The following CDH9 variants were observed in gnomAD, a reference collection of about 807,000 sequenced individuals.
The protein encoded by CDH9 is cadherin 9.
Under a neutral mutation model 70.9 loss-of-function variants are expected in CDH9, and 28 were observed. The ratio of observed to expected loss-of-function variants is 0.40; its 90% CI spans 0.29 to 0.54. The LOEUF is 0.54. Ranked by LOEUF, CDH9 falls within the 20% of genes least tolerant of loss-of-function variation. The pLI is 0.59. For synonymous variants in CDH9, 409 were observed against 343.1 expected (o/e 1.19, Z -2.12); for missense variants, 874 against 984.4 (o/e 0.89, Z 1.50).
intron 1 of CDH9, among the ~76,000 whole-genome samples, chr5:27,013,294 A>G (rs1742989395): frequency 6.6e-6 from 1 of 151,958 alleles, no homozygotes; most frequent in Non-Finnish European, 1.5e-5. Flanking sequence ...CATTTGTAAA[A>G]GTTTTCTCCT....
chr5:27,034,931 C>A (rs1308614736), intron 1 of CDH9, among the ~76,000 whole-genome samples: 2 of 151,252 alleles, frequency 1.3e-5, no homozygotes, highest in Non-Finnish European at 3.0e-5. Context: ...TGCTTCCAGG[C>A]AGAGAAATTG....
chr5:26,913,504 T>G (rs1429941398), intron 3 of CDH9, among the ~76,000 whole-genome samples: 1 of 152,068 alleles, frequency 6.6e-6, no homozygotes, highest in Non-Finnish European at 1.5e-5. Flanking sequence ...CCTTGTCTCA[T>G]TTTGTGGGAA....
chr5:26,960,979 C>A (rs1742025606), intron 2 of CDH9, among the ~76,000 whole-genome samples: 1 of 152,102 alleles, frequency 6.6e-6, no homozygotes, highest in South Asian at 2.1e-4. Flanking sequence ...CCAATTTATG[C>A]TTTGGTAAGA....
At chr5:26,906,455 C>T (rs1740950414) in intron 4 of CDH9, among the ~76,000 whole-genome samples, 1 of 152,020 alleles carries the variant, frequency 6.6e-6, no homozygotes, top group African/African-American at 2.4e-5. Context: ...CTCTATGCCA[C>T]ATAATGTGCT....
chr5:26,885,247 T>C (rs1309956637), intron 11 of CDH9, among the ~76,000 whole-genome samples: 2 of 152,174 alleles, frequency 1.3e-5, no homozygotes, highest in African/African-American at 4.8e-5. Context: ...GAGTAAATTA[T>C]GCAGCCTTTC....
chr5:27,000,831 C>A (rs986603594), intron 1 of CDH9, among the ~76,000 whole-genome samples: 3 of 151,930 alleles, frequency 2.0e-5, no homozygotes, highest in African/African-American at 7.2e-5. Context: ...AATTTAAATT[C>A]AAAAATGCTA....
intron 2 of CDH9, among the ~76,000 whole-genome samples, chr5:26,952,000 T>C (rs1046848318): frequency 1.3e-5 from 2 of 150,288 alleles, no homozygotes; most frequent in Non-Finnish European, 3.0e-5. Context: ...TTTTATTTTA[T>C]GACAGAGTAT....
intron 1 of CDH9, among the ~76,000 whole-genome samples, chr5:27,027,192 T>C (rs1413905649): frequency 3.9e-5 from 6 of 152,016 alleles, no homozygotes; most frequent in African/African-American, 1.4e-4. Flanking sequence ...CTATCTATGA[T>C]ATTGAGTATT....
At chr5:26,947,449 G>T (rs138041424) in intron 2 of CDH9, among the ~76,000 whole-genome samples, 1 of 152,110 alleles carries the variant, frequency 6.6e-6, no homozygotes, top group African/African-American at 2.4e-5. Flanking sequence ...CATACAGTCC[G>T]CAGTTTTGAC....
chr5:26,917,975 C>A (rs527250471), intron 2 of CDH9, among the ~76,000 whole-genome samples: 1 of 152,232 alleles, frequency 6.6e-6, no homozygotes, highest in South Asian at 2.1e-4. Context: ...GTTTTTAAAT[C>A]TAAGTTTATT....
intron 2 of CDH9, among the ~76,000 whole-genome samples, chr5:26,980,342 T>A: frequency 6.6e-6 from 1 of 152,036 alleles, no homozygotes; most frequent in African/African-American, 2.4e-5. Context: ...TCTGATATGA[T>A]GAATCAGTAA....
At chr5:26,984,263 C>T (rs1031996003) in intron 2 of CDH9, among the ~76,000 whole-genome samples, 1 of 152,114 alleles carries the variant, frequency 6.6e-6, no homozygotes, top group Non-Finnish European at 1.5e-5. Context: ...ATTAGCTCCA[C>T]GTTCCTTGCT....
intron 2 of CDH9, among the ~76,000 whole-genome samples, chr5:26,936,911 A>T (rs930553206): frequency 3.9e-5 from 6 of 152,074 alleles, no homozygotes; most frequent in African/African-American, 1.2e-4. Context: ...AATAGACTTA[A>T]AAGTAAAATG....
intron 1 of CDH9, among the ~76,000 whole-genome samples, chr5:27,014,121 C>T (rs1743006449): frequency 6.6e-6 from 1 of 151,948 alleles, no homozygotes; most frequent in Non-Finnish European, 1.5e-5. Flanking sequence ...AGATATCTTC[C>T]TTTCCTGGTT....
At chr5:26,890,659 C>T in intron 7 of CDH9, 95 bp from the exon 8 acceptor site, 1 of 849,970 alleles carries the variant, frequency 1.2e-6, no homozygotes, top group Non-Finnish European at 1.9e-6. Flanking sequence ...AATGATCTGA[C>T]AAAGACATGA....
chr5:26,951,319 G>C (rs1001817784), intron 2 of CDH9, among the ~76,000 whole-genome samples: 2 of 133,022 alleles, frequency 1.5e-5, no homozygotes, highest in African/African-American at 5.8e-5. Flanking sequence ...AAAAAAAAAG[G>C]TATGTGCATA....
chr5:26,921,823 A>G (rs760466666), intron 2 of CDH9, among the ~76,000 whole-genome samples: 1 of 152,180 alleles, frequency 6.6e-6, no homozygotes, highest in Non-Finnish European at 1.5e-5. Context: ...GAGGAAACTC[A>G]AGAAAACACA....
rs1366344480 is a variant in CDH9, at chr5:26,902,735, G to A, written c.1000-6C>T. 6.7e-7 allele frequency: 1 copy of A among 1,501,760 alleles called. No individual in the cohort carries two copies. 93.0% of individuals were successfully genotyped at this position (1,501,760 alleles called of 1,614,324 possible). ...TGATTTTCAAAATCTAAATTCTGGA[G>A]TTAAATAACATAAAAGAAATTAGCA... On this transcript the variant is annotated splice_region_variant and splice_polypyrimidine_tract_variant and intron_variant, in intron 6 of 11. Transcript: ENST00000231021.
intron 2 of CDH9, among the ~76,000 whole-genome samples, chr5:26,957,241 A>G (rs888871242): frequency 2.0e-5 from 3 of 152,088 alleles, no homozygotes; most frequent in African/African-American, 7.2e-5. Context: ...TGAATTTTTT[A>G]ATCACATTTG....
Sources: gnomAD v4.1 joint callset for allele counts (sites outside exome capture counted in the v4.1 genomes callset) on GRCh38, gnomAD v4.1.1 for gene constraint, MANE v1.5 for transcripts, NCBI Gene and HGNC (gene_info 2026-07-23, HGNC 2026-07-21) for gene names.